The following ASTN1 variants were observed in gnomAD, a reference collection of about 807,000 sequenced individuals.
ASTN1 encodes the protein astrotactin-1.
In ASTN1, 41 loss-of-function variants were observed where a neutral mutation model predicts 140.7. The observed-to-expected ratio is 0.29, with a 90% CI of 0.23 to 0.38. The LOEUF (loss-of-function observed/expected upper bound fraction) is 0.38, where lower values mean the gene tolerates loss of function less well. Ranked by LOEUF, ASTN1 falls within the 10% of genes least tolerant of loss-of-function variation. ASTN1 has a pLI of 1.00. For synonymous variants in ASTN1, 640 were observed against 652.2 expected (o/e 0.98, Z 0.29); for missense variants, 1,479 against 1,678.8 (o/e 0.88, Z 2.08).
rs1408307554 is a variant in ASTN1 at position 176,894,827 on chromosome 1, T to C, written c.2675A>G (p.Asn892Ser). The C allele has an allele frequency of 1.9e-6, 3 of 1,613,402 alleles. 1 individual carries two copies. The South Asian group carries it at 3.3e-5, about 18-fold the overall frequency. Residue 892 changes from asparagine to serine, a missense_variant, in exon 17 of 23, where the codon AAC becomes AGC. By Grantham distance (46) the Asn-to-Ser change is conservative. Coordinates refer to ENST00000361833, the MANE Select transcript of ASTN1 (RefSeq NM_004319.3). The stretch of plus-strand genomic sequence containing the variant: ...CTCCTCAGACTCATCTGATGGGGAG[T>C]TGCCTGCAGACACAAAATGGAAAGA... ...WLEYEDISKG[N>S]SPSDESEERE...
At chr1:176,949,398 T>C in intron 11 of ASTN1, 47 bp from the exon 12 acceptor site, 1 of 1,576,164 alleles carries the variant, frequency 6.3e-7, no homozygotes, top group Non-Finnish European at 8.6e-7. Context: ...ATCGGGGAAC[T>C]GAGTTCTCTG....
chr1:177,004,119 T>C (rs1674874655), intron 8 of ASTN1, among the ~76,000 whole-genome samples: 1 of 152,082 alleles, frequency 6.6e-6, no homozygotes, highest in African/African-American at 2.4e-5. Context: ...ATAAACGAAT[T>C]CAGTAAAGTC....
intron 22 of ASTN1, among the ~76,000 whole-genome samples, chr1:176,865,230 C>T (rs2103008747): frequency 6.6e-6 from 1 of 152,268 alleles, no homozygotes; most frequent in East Asian, 1.9e-4. Flanking sequence ...ATGAAGGTCA[C>T]CTGAGCCATT....
chr1:177,076,278 C>CAA (rs1171864161), intron 1 of ASTN1, among the ~76,000 whole-genome samples: 1,761 of 77,694 alleles, frequency 0.023, 78 homozygotes, highest in African/African-American at 0.08. Flanking sequence ...GACTATGTCT[C>CAA]AAAAAAAAAA....
intron 8 of ASTN1, among the ~76,000 whole-genome samples, chr1:177,005,616 TTATATATATAATACATATTCA>T (rs940205883): frequency 6.6e-6 from 1 of 152,142 alleles, no homozygotes; most frequent in Non-Finnish European, 1.5e-5. Context: ...AAAATGTTTT[TTATATATATAATACATATTCA>T]TATATATAAT....
In ASTN1 at chr1:177,040,807, T is replaced by C. The variant is rs577453977; in HGVS notation, c.472-7958A>G. ...TGTCTTCAATTCCTGTATGAGACTT[T>C]AGGAGTTTCGTCTAATGAGAGCCTG... is the stretch of plus-strand genomic sequence containing the variant. On this transcript the variant is annotated intron_variant, in intron 2 of 22. Coordinates refer to ENST00000361833, the MANE Select transcript of ASTN1 (RefSeq NM_004319.3). 4.6e-5 allele frequency among the ~76,000 whole-genome samples: 7 copies of C among 152,358 alleles called. No homozygotes were observed. The South Asian group carries it at 1.4e-3, about 32-fold the overall frequency.
chr1:177,031,889 T>C (rs115748569), intron 3 of ASTN1, among the ~76,000 whole-genome samples: 175 of 152,312 alleles, frequency 1.1e-3, no homozygotes, highest in African/African-American at 3.8e-3. Context: ...AGTGTCTCCA[T>C]AGATACACAA....
chr1:176,954,752 C>T (rs981059798), intron 11 of ASTN1, among the ~76,000 whole-genome samples: 5 of 152,158 alleles, frequency 3.3e-5, no homozygotes, highest in African/African-American at 1.2e-4. Context: ...ATGCTTGGAA[C>T]CCTCATGAAA....
Position 176,958,559 on chromosome 1 carries a change from A to G in ASTN1, c.1599-77T>C, listed in dbSNP as rs920900455. On this transcript the variant is annotated intron_variant, in intron 9 of 22. Coordinates refer to ENST00000361833, the MANE Select transcript of ASTN1 (RefSeq NM_004319.3). ...CCACTGGGGGATCTAGCATTCCATT[A>G]CCAGTGCTTTCTTCTCACCCTTTGT... 4.1e-6 allele frequency: 6 copies of G among 1,471,690 alleles called. No homozygotes were observed. In the African/African-American group the frequency reaches 5.7e-5, roughly 14 times the overall value. The allele number at this position is 1,471,690 out of a possible 1,614,324, so 91.2% of individuals were successfully genotyped here. A position where few individuals can be genotyped will look rare whatever the true frequency, so the allele number is the denominator to read the frequency against.
intron 2 of ASTN1, among the ~76,000 whole-genome samples, chr1:177,054,307 G>C (rs1677689504): frequency 6.6e-6 from 1 of 152,156 alleles, no homozygotes; most frequent in Non-Finnish European, 1.5e-5. Flanking sequence ...ACAATGTCTA[G>C]CACATAGTAA....
At chr1:176,996,285 T>TCACACA (rs879603228) in intron 8 of ASTN1, among the ~76,000 whole-genome samples, 1 of 121,964 alleles carries the variant, frequency 8.2e-6, no homozygotes, top group South Asian at 2.5e-4. Flanking sequence ...TCTCTCTCTC[T>TCACACA]CTCTCACACA....
intron 1 of ASTN1, among the ~76,000 whole-genome samples, chr1:177,067,351 G>C (rs904241038): frequency 5.3e-5 from 8 of 152,120 alleles, no homozygotes; most frequent in Non-Finnish European, 1.2e-4. Context: ...GATAAAGATT[G>C]AGCTCCGGAC....
At chr1:176,995,574 A>G (rs1298127848) in intron 8 of ASTN1, among the ~76,000 whole-genome samples, 1 of 152,180 alleles carries the variant, frequency 6.6e-6, no homozygotes, top group African/African-American at 2.4e-5. Flanking sequence ...AAGAGATTCA[A>G]TGTCATTGCA....
chr1:176,891,704 A>G (rs1015392276), intron 17 of ASTN1, among the ~76,000 whole-genome samples: 2 of 152,186 alleles, frequency 1.3e-5, no homozygotes, highest in Non-Finnish European at 2.9e-5. Flanking sequence ...GAGGCAGGAG[A>G]ATCGCTTGAA....
chr1:177,060,114 C>A (rs1382591053), intron 2 of ASTN1, among the ~76,000 whole-genome samples: 1 of 152,190 alleles, frequency 6.6e-6, no homozygotes, highest in African/African-American at 2.4e-5. Flanking sequence ...GGGGACACAT[C>A]AGTAAAAAAA....
chr1:177,107,672 CG>C (rs1270876748), intron 1 of ASTN1, among the ~76,000 whole-genome samples: 2 of 152,168 alleles, frequency 1.3e-5, no homozygotes, highest in Non-Finnish European at 2.9e-5. Context: ...TCACCAGCTC[CG>C]GGTTCTAGTA....
rs1169904544 is a variant in ASTN1, at chr1:177,019,863, A to AT, written c.1438+3540dup. 3.3e-5 allele frequency among the ~76,000 whole-genome samples: 5 copies of AT among 152,140 alleles called. No individual in the cohort carries two copies. The East Asian group carries it at 9.6e-4, about 29-fold the overall frequency. On this transcript the variant is annotated intron_variant, in intron 7 of 22. Transcript: ENST00000361833. ...GAGCAAAACAATGCTTTTTCTTTCT[A>AT]TTTTTGTATTGTCTTTTTATTCTAT...
In ASTN1 at chr1:176,888,084, G is replaced by A. The variant is rs751350252; in HGVS notation, c.3061C>T (p.Leu1021Phe). ...AGAGAACCATACACAGGCTGTGGGA[G>A]AGGCGCACAGGTGGGGAGTCCATCA... is the stretch of plus-strand genomic sequence containing the variant. ...GADGLPTCAP[L>F]PQPVLRLSTV... is the part of the protein sequence containing the mutation. Residue 1021 changes from leucine to phenylalanine, a missense_variant, in exon 18 of 23, where the codon CTC (leucine) becomes TTC (phenylalanine). Physicochemically the swap from Leu to Phe is conservative, Grantham distance 22 (BLOSUM62 0). Around this residue, in one of 3 missense-constraint regions of ASTN1, gnomAD observed 746 missense variants for 800.9 expected, o/e 0.93. Coordinates refer to ENST00000361833, the MANE Select transcript of ASTN1 (RefSeq NM_004319.3). The A allele has an allele frequency of 1.2e-6, 2 of 1,614,118 alleles. No homozygotes were observed. The highest frequency in any genetic ancestry group is 1.3e-5 in the African/African-American group (1 of 75,044).
intron 20 of ASTN1, among the ~76,000 whole-genome samples, chr1:176,876,898 C>T (rs2076342): frequency 0.84 from 127,203 of 152,106 alleles, 53,348 homozygotes; most frequent in Middle Eastern, 0.95. Flanking sequence ...CATCAGGCAC[C>T]GGTTCTCAAA....
Sources: allele counts gnomAD v4.1 joint callset (sites outside exome capture counted in the v4.1 genomes callset), GRCh38; gene constraint gnomAD v4.1.1; regional missense constraint gnomAD v4.1.1; transcripts MANE v1.5; gene names NCBI Gene and HGNC (gene_info 2026-07-23, HGNC 2026-07-21).